The following TENM3 variants were observed in gnomAD, a reference collection of about 807,000 sequenced individuals.
The protein encoded by TENM3 is teneurin-3.
TENM3 carries 63 observed loss-of-function variants against 255.1 expected under a neutral mutation model. The observed-to-expected ratio is 0.25, with a 90% CI of 0.20 to 0.30. TENM3 has a LOEUF of 0.30. Ranked by LOEUF, TENM3 falls within the 10% of genes least tolerant of loss-of-function variation. The probability of loss-of-function intolerance (pLI) is 1.00; values close to 1 mark genes in which losing one functional copy is unlikely to be tolerated. For missense variants in TENM3, 2,929 were observed against 3,461.1 expected (o/e 0.85, Z 3.86); for synonymous variants, 1,306 against 1,322.3 (o/e 0.99, Z 0.27).
chr4:181,459,440 T>A, the TENM3 span, among the ~76,000 whole-genome samples: 6 of 151,890 alleles, frequency 4.0e-5, no homozygotes, highest in African/African-American at 1.2e-4. Flanking sequence ...TCCATAAAAA[T>A]TTCCTCCTAT....
At chr4:182,149,633 G>A (rs974449597) in intron 1 of TENM3, among the ~76,000 whole-genome samples, 4 of 151,910 alleles carry the variant, frequency 2.6e-5, no homozygotes, top group Non-Finnish European at 1.5e-5. Flanking sequence ...AGCTAGGATC[G>A]GGTAGCACTG....
intron 19 of TENM3, 131 bp downstream of exon 19, chr4:182,743,550 A>T: frequency 9.7e-7 from 1 of 1,026,718 alleles, no homozygotes; most frequent in Non-Finnish European, 1.4e-6. Flanking sequence ...CCCAGAAAGA[A>T]GTCAAATTCT....
chr4:182,428,840 T>C (rs948018053), intron 3 of TENM3, among the ~76,000 whole-genome samples: 12 of 152,236 alleles, frequency 7.9e-5, no homozygotes, highest in Non-Finnish European at 1.6e-4. Flanking sequence ...GTATCATTGC[T>C]ATTTTTTCTG....
intron 22 of TENM3, among the ~76,000 whole-genome samples, chr4:182,759,844 TCTG>T (rs1286524160): frequency 6.6e-6 from 1 of 152,218 alleles, no homozygotes; most frequent in Non-Finnish European, 1.5e-5. Context: ...AGAGATATCA[TCTG>T]CTTCTTGGCG....
chr4:182,578,283 A>C (rs554080794), intron 3 of TENM3, among the ~76,000 whole-genome samples: 1 of 152,000 alleles, frequency 6.6e-6, no homozygotes, highest in South Asian at 2.1e-4. Context: ...CCCAATTTAA[A>C]ATTTTGATTC....
the TENM3 span, among the ~76,000 whole-genome samples, chr4:182,108,441 A>T: frequency 2.0e-5 from 3 of 152,340 alleles, 1 homozygote; most frequent in South Asian, 6.2e-4. Context: ...ATAAAGGCAG[A>T]CTTGGGAAAT....
the TENM3 span, among the ~76,000 whole-genome samples, chr4:181,577,209 AT>A: frequency 1.7e-4 from 22 of 129,312 alleles, no homozygotes; most frequent in African/African-American, 3.5e-4. Flanking sequence ...ATATATATAT[AT>A]TTTTTTTTTA....
At chr4:182,385,245 G>A (rs1320575834) in intron 3 of TENM3, among the ~76,000 whole-genome samples, 1 of 147,700 alleles carries the variant, frequency 6.8e-6, no homozygotes, top group African/African-American at 2.5e-5. Context: ...CTGGGAAAAG[G>A]AAGTTTTATT....
the TENM3 span, among the ~76,000 whole-genome samples, chr4:181,516,628 G>T: frequency 2.0e-3 from 311 of 151,994 alleles, 3 homozygotes; most frequent in African/African-American, 7.2e-3. Flanking sequence ...AATACAAAAT[G>T]AGCTGGATGT....
At chr4:182,206,863 A>T (rs1014092018) in intron 1 of TENM3, among the ~76,000 whole-genome samples, 2 of 152,146 alleles carry the variant, frequency 1.3e-5, no homozygotes, top group Non-Finnish European at 2.9e-5. Context: ...CTAGACTTCA[A>T]AATTCCCGTT....
intron 3 of TENM3, among the ~76,000 whole-genome samples, chr4:182,451,199 A>T: frequency 6.6e-6 from 1 of 152,212 alleles, no homozygotes; most frequent in Non-Finnish European, 1.5e-5. Context: ...CAGATTTTTA[A>T]TTACCAAATA....
intron 3 of TENM3, among the ~76,000 whole-genome samples, chr4:182,555,054 A>G (rs2151948041): frequency 6.6e-6 from 1 of 152,268 alleles, no homozygotes; most frequent in East Asian, 1.9e-4. Context: ...GAAATCAGTG[A>G]ACGTGGTTCC....
chr4:182,387,427 G>A (rs183314656), intron 3 of TENM3, among the ~76,000 whole-genome samples: 28 of 152,228 alleles, frequency 1.8e-4, no homozygotes, highest in African/African-American at 2.6e-4. Context: ...ACCAATCAGC[G>A]CCCTGACAAA....
chr4:182,168,549 C>T (rs1203034276), intron 1 of TENM3, among the ~76,000 whole-genome samples: 2 of 152,212 alleles, frequency 1.3e-5, no homozygotes, highest in African/African-American at 4.8e-5. Flanking sequence ...GAAACCGCTG[C>T]TGATACTTCT....
chr4:182,536,091 T>G (rs1740282755), intron 3 of TENM3, among the ~76,000 whole-genome samples: 1 of 152,224 alleles, frequency 6.6e-6, no homozygotes, highest in African/African-American at 2.4e-5. Context: ...ATATGGTGTA[T>G]TTTTATTTAC....
intron 22 of TENM3, among the ~76,000 whole-genome samples, chr4:182,772,040 G>A (rs192723541): frequency 1.1e-4 from 17 of 152,098 alleles, no homozygotes; most frequent in Middle Eastern, 3.4e-3. Flanking sequence ...GCTCATCACC[G>A]GGCACGGAAC....
At chr4:181,628,910 A>G in the TENM3 span, among the ~76,000 whole-genome samples, 2 of 152,140 alleles carry the variant, frequency 1.3e-5, no homozygotes, top group South Asian at 2.1e-4. Flanking sequence ...CATTGAATCT[A>G]TAAATTACCT....
At chr4:182,551,262 T>C (rs1425786097) in intron 3 of TENM3, among the ~76,000 whole-genome samples, 1 of 151,724 alleles carries the variant, frequency 6.6e-6, no homozygotes, top group Admixed American at 6.6e-5. Context: ...TAATTGTCCC[T>C]TCATTTGTCC....
chr4:182,105,028 G>T, the TENM3 span, among the ~76,000 whole-genome samples: 1 of 152,100 alleles, frequency 6.6e-6, no homozygotes, highest in Non-Finnish European at 1.5e-5. Context: ...CTTGGCCAAG[G>T]TGGGGAAAGC....
Sources: allele counts gnomAD v4.1 joint callset (sites outside exome capture counted in the v4.1 genomes callset), GRCh38; gene constraint gnomAD v4.1.1; transcripts MANE v1.5; gene names NCBI Gene and HGNC (gene_info 2026-07-23, HGNC 2026-07-21).